Variants in SCHIP1 observed in about 807,000 individuals in gnomAD.
The protein encoded by SCHIP1 is schwannomin interacting protein 1.
In SCHIP1, 8 loss-of-function variants were observed where a neutral mutation model predicts 29.7. The observed-to-expected ratio is 0.27, with a 90% CI of 0.16 to 0.49. The LOEUF (loss-of-function observed/expected upper bound fraction) is 0.49, where lower values mean the gene tolerates loss of function less well. SCHIP1 is among the 20% of genes least tolerant of loss of function. SCHIP1 has a pLI of 0.99. For missense variants in SCHIP1, 193 were observed against 294.6 expected, an observed-to-expected ratio of 0.66 and a Z score of 2.52; for synonymous variants, 76 against 94.9, an observed-to-expected ratio of 0.80 and a Z score of 1.16.
chr3:159,780,874 A>T, the SCHIP1 span, among the ~76,000 whole-genome samples: 13 of 152,218 alleles, frequency 8.5e-5, no homozygotes, highest in Non-Finnish European at 1.9e-4. Context: ...GTCAGCGTCT[A>T]GCTGCATCCA....
At chr3:159,650,720 G>A in the SCHIP1 span, among the ~76,000 whole-genome samples, 3 of 152,162 alleles carry the variant, frequency 2.0e-5, no homozygotes, top group Admixed American at 2.0e-4. Flanking sequence ...AGAGAGTAGT[G>A]GGACAAAGTA....
chr3:159,290,067 A>C, the SCHIP1 span, among the ~76,000 whole-genome samples: 43 of 152,344 alleles, frequency 2.8e-4, no homozygotes, highest in Middle Eastern at 3.4e-3. Flanking sequence ...TTTTATCTAC[A>C]GACCTAAGAC....
At chr3:159,430,559 A>T in the SCHIP1 span, among the ~76,000 whole-genome samples, 1 of 152,106 alleles carries the variant, frequency 6.6e-6, no homozygotes, top group South Asian at 2.1e-4. Context: ...AGAAAAAGGG[A>T]GAGAGAGAGA....
chr3:159,565,784 T>A, the SCHIP1 span, among the ~76,000 whole-genome samples: 1 of 152,178 alleles, frequency 6.6e-6, no homozygotes, highest in Non-Finnish European at 1.5e-5. Flanking sequence ...GAATAGAAAG[T>A]CCTTTTAGAT....
the SCHIP1 span, among the ~76,000 whole-genome samples, chr3:159,617,391 T>G: frequency 6.6e-6 from 1 of 152,330 alleles, no homozygotes; most frequent in Non-Finnish European, 1.5e-5. Flanking sequence ...TTTCCTTATC[T>G]GATTAAGCAA....
At chr3:159,576,193 C>T in the SCHIP1 span, among the ~76,000 whole-genome samples, 1 of 152,110 alleles carries the variant, frequency 6.6e-6, no homozygotes, top group Admixed American at 6.5e-5. Context: ...ACATCATATG[C>T]ACATTTCAAA....
chr3:159,760,741 T>C, the SCHIP1 span, among the ~76,000 whole-genome samples: 1 of 152,228 alleles, frequency 6.6e-6, no homozygotes, highest in East Asian at 1.9e-4. Context: ...GGGAAGTCAA[T>C]GCAGTAAGGT....
the SCHIP1 span, chr3:159,768,350 A>G: frequency 0.14 from 20,766 of 152,174 alleles, 1,647 homozygotes; most frequent in Middle Eastern, 0.29. Context: ...TTTTGTTTCA[A>G]TGACATACTA....
the SCHIP1 span, among the ~76,000 whole-genome samples, chr3:159,513,949 T>C: frequency 6.6e-6 from 1 of 152,330 alleles, no homozygotes; most frequent in South Asian, 2.1e-4. Flanking sequence ...TGTAAAATAT[T>C]GTGTCTGTTG....
chr3:159,533,034 T>C, the SCHIP1 span, among the ~76,000 whole-genome samples: 1 of 152,258 alleles, frequency 6.6e-6, no homozygotes, highest in Non-Finnish European at 1.5e-5. Context: ...CTAGTTAGTT[T>C]AGTAGTTGAT....
At chr3:159,781,984 G>A in the SCHIP1 span, among the ~76,000 whole-genome samples, 4 of 152,262 alleles carry the variant, frequency 2.6e-5, no homozygotes, top group African/African-American at 9.6e-5. Flanking sequence ...GAATAGGACT[G>A]TGGTTCTCTG....
intron 5 of SCHIP1, among the ~76,000 whole-genome samples, chr3:159,890,226 A>G (rs1577501165): frequency 6.6e-6 from 1 of 152,240 alleles, no homozygotes; most frequent in Non-Finnish European, 1.5e-5. Context: ...GGAGAGAGAA[A>G]TGATTCAAGC....
At chr3:159,452,526 A>G in the SCHIP1 span, among the ~76,000 whole-genome samples, 2 of 152,184 alleles carry the variant, frequency 1.3e-5, no homozygotes, top group African/African-American at 4.8e-5. Context: ...TATATGTGCC[A>G]TATTTTCTTT....
chr3:159,668,846 G>T, the SCHIP1 span, among the ~76,000 whole-genome samples: 1 of 152,050 alleles, frequency 6.6e-6, no homozygotes, highest in Admixed American at 6.5e-5. Flanking sequence ...AAAGTGTTAT[G>T]GTACTTTTTT....
chr3:159,628,510 G>A, the SCHIP1 span, among the ~76,000 whole-genome samples: 2 of 152,062 alleles, frequency 1.3e-5, no homozygotes, highest in Non-Finnish European at 2.9e-5. Flanking sequence ...AAATAACTAT[G>A]ATTATTAGGT....
At chr3:159,532,582 T>C in the SCHIP1 span, among the ~76,000 whole-genome samples, 26,120 of 152,144 alleles carry the variant, frequency 0.17, 2,471 homozygotes, top group South Asian at 0.34. Context: ...ACAAAGTAAA[T>C]GTAATGGAGT....
the SCHIP1 span, among the ~76,000 whole-genome samples, chr3:159,804,744 G>A: frequency 6.6e-5 from 10 of 152,212 alleles, no homozygotes; most frequent in Non-Finnish European, 4.4e-5. Flanking sequence ...GTTGGCTCCT[G>A]GTTAGGAAAG....
chr3:159,297,617 AG>A, the SCHIP1 span, among the ~76,000 whole-genome samples: 1 of 152,246 alleles, frequency 6.6e-6, no homozygotes, highest in South Asian at 2.1e-4. Flanking sequence ...TTTAAAAAAA[AG>A]ATATGCAGAC....
chr3:159,734,787 C>CTTTTTTTTTTTT, the SCHIP1 span, among the ~76,000 whole-genome samples: 20 of 110,504 alleles, frequency 1.8e-4, no homozygotes, highest in African/African-American at 2.7e-4. Flanking sequence ...CTTTTCTTGT[C>CTTTTTTTTTTTT]TTTTTTTTTT....
Sources: gnomAD v4.1 joint callset for allele counts (sites outside exome capture counted in the v4.1 genomes callset) on GRCh38, gnomAD v4.1.1 for gene constraint, MANE v1.5 for transcripts, NCBI Gene and HGNC (gene_info 2026-07-23, HGNC 2026-07-21) for gene names.